The following IPCEF1 variants were observed in gnomAD, a reference collection of about 807,000 sequenced individuals.
IPCEF1 encodes interactor protein for cytohesin exchange factors 1.
Under a neutral mutation model 50.9 loss-of-function variants are expected in IPCEF1, and 31 were observed. The ratio of observed to expected loss-of-function variants is 0.61; its 90% CI spans 0.46 to 0.82. The LOEUF (loss-of-function observed/expected upper bound fraction) is 0.82. Ranked by LOEUF, IPCEF1 falls within the 40% of genes least tolerant of loss-of-function variation. The probability of loss-of-function intolerance (pLI) is 0.00; values close to 1 mark genes in which losing one functional copy is unlikely to be tolerated. For synonymous variants in IPCEF1, 181 were observed against 192.0 expected (o/e 0.94, Z 0.47); for missense variants, 458 against 514.0 (o/e 0.89, Z 1.05).
chr6:154,342,737 C>T (rs769459850), intron 1 of IPCEF1, among the ~76,000 whole-genome samples: 14 of 152,092 alleles, frequency 9.2e-5, no homozygotes, highest in East Asian at 1.9e-4. Context: ...ACTAGGATTA[C>T]GGGCATGAGC....
At position 154,204,106 on chromosome 6, in the gene IPCEF1, T is replaced by A. The variant is rs575330381; in HGVS notation, c.538-4066A>T. ...GGAAGTTAAAGACATTTCAAAAATC[T>A]TCGTTCTAGTTAAGAGACTATGATA... On this transcript the variant is annotated intron_variant, in intron 9 of 11. Transcript: ENST00000367220. Among the ~76,000 whole-genome samples, 6 of 152,366 alleles carry A rather than the reference T, an allele frequency of 3.9e-5. No individual in the cohort carries two copies. The South Asian group carries it at 8.3e-4, about 21-fold the overall frequency.
At chr6:154,297,390 C>G (rs1782691506) in intron 1 of IPCEF1, among the ~76,000 whole-genome samples, 1 of 152,100 alleles carries the variant, frequency 6.6e-6, no homozygotes, top group African/African-American at 2.4e-5. Context: ...GTAGCAGGTT[C>G]CTGACTCAGC....
At chr6:154,283,019 G>T (rs970715614) in intron 2 of IPCEF1, among the ~76,000 whole-genome samples, 1 of 152,046 alleles carries the variant, frequency 6.6e-6, no homozygotes, top group African/African-American at 2.4e-5. Context: ...TGAGGGCAGG[G>T]CAGGAACCTC....
chr6:154,249,681 C>T (rs757333167), intron 3 of IPCEF1, among the ~76,000 whole-genome samples: 1 of 152,064 alleles, frequency 6.6e-6, no homozygotes, highest in Non-Finnish European at 1.5e-5. Flanking sequence ...CTCCTTCCAT[C>T]GCTCCCAGCT....
intron 1 of IPCEF1, among the ~76,000 whole-genome samples, chr6:154,329,097 G>GA (rs1562291560): frequency 1.3e-5 from 2 of 152,106 alleles, no homozygotes; most frequent in South Asian, 4.1e-4. Context: ...CAGGACACAG[G>GA]AAAAAAAGTT....
Position 154,264,007 on chromosome 6 carries a change from C to CG in IPCEF1, c.36+1904_36+1905insC, listed in dbSNP as rs150649406. Among the ~76,000 whole-genome samples the CG allele has an allele frequency of 1.3e-4, 19 of 148,640 alleles. 2 individuals are homozygous for CG. In the South Asian group the frequency reaches 1.7e-3, roughly 14 times the overall value. ...GCGGCTGGCCGGGCGGGGGGCTGAC[C>CG]CCCCCCACCTCCCTCCCAGACTGTA... On this transcript the variant is annotated intron_variant, in intron 3 of 11. Coordinates refer to ENST00000367220, the MANE Select transcript of IPCEF1 (RefSeq NM_001130700.2).
chr6:154,247,134 T>C, intron 4 of IPCEF1: 3 of 423,018 alleles, frequency 7.1e-6, no homozygotes, highest in Non-Finnish European at 1.3e-5. Context: ...GTAACATAGC[T>C]CCTCTCAACA....
chr6:154,159,601 C>T lies in IPCEF1; in HGVS notation c.*227G>A. On this transcript the variant is annotated 3_prime_UTR_variant, in exon 12 of 12. Coordinates refer to ENST00000367220, the MANE Select transcript of IPCEF1 (RefSeq NM_001130700.2). ...CTCCCAGTAGGAACACAAAAAACGC[C>T]TTTCAACTGAACTCAATCATTCCAA... 1 of 537,958 alleles carries T rather than the reference C, an allele frequency of 1.9e-6. No individual in the cohort carries two copies. The highest frequency in any genetic ancestry group is 3.2e-6 in the Non-Finnish European group (1 of 310,076). 33.3% of individuals were successfully genotyped at this position (537,958 alleles called of 1,614,324 possible).
chr6:154,270,907 C>T (rs1209282813), intron 2 of IPCEF1, among the ~76,000 whole-genome samples: 1 of 152,066 alleles, frequency 6.6e-6, no homozygotes, highest in Non-Finnish European at 1.5e-5. Flanking sequence ...GCCCAGGAGG[C>T]TGAGGTTGCA....
intron 2 of IPCEF1, among the ~76,000 whole-genome samples, chr6:154,274,912 G>A (rs896262669): frequency 2.6e-5 from 4 of 152,204 alleles, no homozygotes; most frequent in African/African-American, 7.2e-5. Flanking sequence ...TTCTGCGGTT[G>A]TCTTAAGTTC....
intron 10 of IPCEF1, among the ~76,000 whole-genome samples, chr6:154,186,376 TTG>T (rs1397815351): frequency 1.3e-5 from 2 of 152,150 alleles, no homozygotes; most frequent in East Asian, 3.9e-4. Context: ...GCAAATTCCA[TTG>T]TCTCATTTTA....
At chr6:154,249,724 G>A (rs562723350) in intron 3 of IPCEF1, among the ~76,000 whole-genome samples, 9 of 151,984 alleles carry the variant, frequency 5.9e-5, no homozygotes, top group Non-Finnish European at 1.0e-4. Context: ...CCCATTCCTT[G>A]TGAGCACCCA....
chr6:154,353,229 C>T (rs562703606), intron 1 of IPCEF1, among the ~76,000 whole-genome samples: 4 of 151,802 alleles, frequency 2.6e-5, no homozygotes, highest in Admixed American at 6.6e-5. Context: ...TTGCTTTTGT[C>T]GTCCTGTTGG....
At chr6:154,272,509 C>A (rs1422232397) in intron 2 of IPCEF1, among the ~76,000 whole-genome samples, 3 of 152,082 alleles carry the variant, frequency 2.0e-5, no homozygotes, top group Non-Finnish European at 2.9e-5. Flanking sequence ...TGAAACATAG[C>A]CAAACCAATG....
intron 1 of IPCEF1, among the ~76,000 whole-genome samples, chr6:154,340,687 A>G (rs1783893340): frequency 6.6e-6 from 1 of 152,000 alleles, no homozygotes; most frequent in African/African-American, 2.4e-5. Context: ...GGAGTTCGAG[A>G]TCAGCCTGAT....
At chr6:154,332,791 C>T (rs1368305043) in intron 1 of IPCEF1, among the ~76,000 whole-genome samples, 2 of 152,142 alleles carry the variant, frequency 1.3e-5, no homozygotes, top group Non-Finnish European at 2.9e-5. Context: ...GCAATAGAGA[C>T]TGAGTCAGGC....
intron 1 of IPCEF1, among the ~76,000 whole-genome samples, chr6:154,291,686 T>TG (rs930988931): frequency 2.1e-5 from 3 of 145,150 alleles, no homozygotes; most frequent in Non-Finnish European, 3.0e-5. Flanking sequence ...AAAGGTTTTT[T>TG]TTTTTTTTTT....
At chr6:154,308,891 G>T (rs56018200) in intron 1 of IPCEF1, among the ~76,000 whole-genome samples, 1 of 152,078 alleles carries the variant, frequency 6.6e-6, no homozygotes, top group Non-Finnish European at 1.5e-5. Context: ...AATTAGATGC[G>T]ATAAGGTGTG....
chr6:154,231,244 G>C (rs1409019238), intron 5 of IPCEF1, among the ~76,000 whole-genome samples: 1 of 152,154 alleles, frequency 6.6e-6, no homozygotes, highest in African/African-American at 2.4e-5. Context: ...AGAAAAGTTA[G>C]GATAAAATTC....
Sources: allele counts gnomAD v4.1 joint callset (sites outside exome capture counted in the v4.1 genomes callset), GRCh38; gene constraint gnomAD v4.1.1; transcripts MANE v1.5; gene names NCBI Gene and HGNC (gene_info 2026-07-23, HGNC 2026-07-21).